The following RILPL2 variants were observed in gnomAD, a reference collection of about 807,000 sequenced individuals.
RILPL2 encodes the protein Rab interacting lysosomal protein like 2.
A neutral mutation model predicts 22.2 loss-of-function variants in RILPL2; 19 were observed. The ratio of observed to expected loss-of-function variants is 0.86; its 90% CI spans 0.60 to 1.25. The LOEUF (loss-of-function observed/expected upper bound fraction) is 1.25, where lower values mean the gene tolerates loss of function less well. Among genes scored for constraint, RILPL2 ranks in the 50% most tolerant of loss-of-function variants. The pLI, the probability that RILPL2 is intolerant of heterozygous loss-of-function variation, is 0.00. For synonymous variants in RILPL2, 123 were observed against 111.6 expected, an observed-to-expected ratio of 1.10 and a Z score of -0.64; for missense variants, 243 against 263.6, an observed-to-expected ratio of 0.92 and a Z score of 0.54.
chr12:123,415,350 G>A lies in RILPL2; in HGVS notation c.*541C>T, dbSNP rs368034949. On this transcript the variant is annotated 3_prime_UTR_variant, in exon 4 of 4. Transcript: ENST00000280571. ...TGACATATACACACATATACCATGT[G>A]TACCATCGTAACTAAGAGACCACTC... The A allele has an allele frequency of 1.3e-4, 20 of 159,736 alleles. No homozygotes were observed. The South Asian group carries it at 2.5e-3, about 20-fold the overall frequency. 9.9% of individuals were successfully genotyped at this position (159,736 alleles called of 1,614,324 possible). A position where few individuals can be genotyped will look rare whatever the true frequency, so the allele number is the denominator to read the frequency against.
At chr12:123,418,756 C>CTTTTTTTTTT in intron 3 of RILPL2, among the ~76,000 whole-genome samples, 313 of 96,196 alleles carry the variant, frequency 3.3e-3, no homozygotes, top group African/African-American at 4.5e-3. Flanking sequence ...CTTTTTCTTT[C>CTTTTTTTTTT]TTTTTTTTTT....
At chr12:123,415,988 G>A (rs372342001) in intron 3 of RILPL2, 67 bp from the exon 4 acceptor site, 78 of 1,530,398 alleles carry the variant, frequency 5.1e-5, no homozygotes, top group African/African-American at 4.5e-4. Flanking sequence ...AGCAACCCCC[G>A]TAAAATTTCT....
At chr12:123,433,539 G>A (rs544927255) in intron 1 of RILPL2, among the ~76,000 whole-genome samples, 11 of 152,210 alleles carry the variant, frequency 7.2e-5, no homozygotes, top group South Asian at 2.1e-4. Context: ...CTCAGCCTCC[G>A]AGTAGCTGGA....
intron 3 of RILPL2, among the ~76,000 whole-genome samples, chr12:123,417,443 T>A (rs552435341): frequency 5.3e-5 from 8 of 152,112 alleles, no homozygotes; most frequent in Non-Finnish European, 1.2e-4. Flanking sequence ...ATCCAATGTC[T>A]CTTCCCAACG....
chr12:123,436,038 C>T lies in RILPL2; in HGVS notation c.339+44G>A, dbSNP rs1437282406. 5 of 1,541,104 alleles carry T rather than the reference C, an allele frequency of 3.2e-6. No homozygotes were observed. The highest frequency in any genetic ancestry group is 3.5e-6 in the Non-Finnish European group (4 of 1,140,380). On this transcript the variant is annotated intron_variant, in intron 1 of 3. Coordinates refer to ENST00000280571, the MANE Select transcript of RILPL2 (RefSeq NM_145058.3). The surrounding 1 kb of genome is among the most constrained non-coding windows in gnomAD (Gnocchi z 6.7). ...CCCTGCCAGTAGGTGCCCTCCTACG[C>T]CCCGCAGGCGCCGTGGGCCCGGAAC...
chr12:123,433,086 T>C (rs1879697058), intron 1 of RILPL2, among the ~76,000 whole-genome samples: 1 of 151,604 alleles, frequency 6.6e-6, no homozygotes. Flanking sequence ...TTTCCTGGCT[T>C]ACTTCTTGGT....
intron 2 of RILPL2, among the ~76,000 whole-genome samples, chr12:123,430,175 C>A (rs1376219443): frequency 6.8e-6 from 1 of 146,206 alleles, no homozygotes; most frequent in South Asian, 2.1e-4. Context: ...TTTGGGAGGC[C>A]AAGGTGGGCA....
chr12:123,433,924 AG>A (rs1445003352), intron 1 of RILPL2, among the ~76,000 whole-genome samples: 15 of 152,220 alleles, frequency 9.9e-5, no homozygotes, highest in Non-Finnish European at 8.8e-5. Context: ...CTCTGAATTA[AG>A]ATCCTGACTT....
chr12:123,432,985 TAAG>T (rs147578719), intron 1 of RILPL2, among the ~76,000 whole-genome samples: 27 of 151,418 alleles, frequency 1.8e-4, no homozygotes, highest in African/African-American at 4.6e-4. Context: ...TAATAATAAT[TAAG>T]AAGAAGAAGA....
At chr12:123,429,763 T>C (rs1357433852) in intron 2 of RILPL2, among the ~76,000 whole-genome samples, 1 of 151,498 alleles carries the variant, frequency 6.6e-6, no homozygotes, top group Non-Finnish European at 1.5e-5. Context: ...TGAGCCACCA[T>C]GCCCAGCTAA....
chr12:123,427,689 G>A (rs753846012), intron 2 of RILPL2, among the ~76,000 whole-genome samples: 18 of 152,040 alleles, frequency 1.2e-4, no homozygotes, highest in South Asian at 1.0e-3. Context: ...CTACAGGTAT[G>A]AGTCACCACG....
At chr12:123,423,745 C>G (rs1163709378) in intron 2 of RILPL2, among the ~76,000 whole-genome samples, 2 of 151,876 alleles carry the variant, frequency 1.3e-5, no homozygotes, top group Admixed American at 6.6e-5. Context: ...GCTCCGCCTC[C>G]CAGGTTCCCG....
chr12:123,417,592 T>C (rs1879153143), intron 3 of RILPL2, among the ~76,000 whole-genome samples: 1 of 150,354 alleles, frequency 6.7e-6, no homozygotes, highest in South Asian at 2.1e-4. Flanking sequence ...GAAAATTTCT[T>C]TTTTTTTTTG....
chr12:123,424,364 C>G (rs1257262563), intron 2 of RILPL2, among the ~76,000 whole-genome samples: 1 of 134,476 alleles, frequency 7.4e-6, no homozygotes, highest in African/African-American at 2.7e-5. Flanking sequence ...CAGAGTCTTG[C>G]TCTGTCGCCC....
At chr12:123,424,921 A>G (rs1879395611) in intron 2 of RILPL2, among the ~76,000 whole-genome samples, 1 of 128,496 alleles carries the variant, frequency 7.8e-6, no homozygotes, top group Admixed American at 8.3e-5. Context: ...TAGCTCTGTC[A>G]CCCAGGCTGG....
rs1879099049 is a variant in RILPL2 at position 123,415,744 on chromosome 12, TC to T, written c.*146del. The stretch of plus-strand genomic sequence containing the variant: ...GGGAGAAAGTGATGCCAAGAGAACC[TC>T]GTCTCCTCCCTCCTCAGTCTGCTTT... On this transcript the variant is annotated 3_prime_UTR_variant, in exon 4 of 4. Coordinates refer to ENST00000280571, the MANE Select transcript of RILPL2 (RefSeq NM_145058.3). The T allele has an allele frequency of 6.2e-6, 5 of 807,640 alleles. No individual in the cohort carries two copies. The Admixed American group carries it at 9.8e-5, about 16-fold the overall frequency. The allele number at this position is 807,640 out of a possible 1,614,324, so 50.0% of individuals were successfully genotyped here. A position where few individuals can be genotyped will look rare whatever the true frequency, so the allele number is the denominator to read the frequency against.
intron 3 of RILPL2, among the ~76,000 whole-genome samples, chr12:123,417,748 G>A (rs1366977744): frequency 6.6e-6 from 1 of 152,120 alleles, no homozygotes; most frequent in African/African-American, 2.4e-5. Context: ...ACCACGCCCA[G>A]CTAATTTTGT....
chr12:123,410,474 C>G (rs1878940148), downstream of RILPL2, among the ~76,000 whole-genome samples: 1 of 152,154 alleles, frequency 6.6e-6, no homozygotes, highest in African/African-American at 2.4e-5. Flanking sequence ...AAACTTGTCT[C>G]AAATAGGGAT....
intron 2 of RILPL2, among the ~76,000 whole-genome samples, chr12:123,426,337 C>T (rs1174082744): frequency 2.0e-5 from 3 of 151,878 alleles, no homozygotes; most frequent in Non-Finnish European, 2.9e-5. Flanking sequence ...TTAGTATTGA[C>T]GGAGTTTTGC....
Sources: allele counts gnomAD v4.1 joint callset (sites outside exome capture counted in the v4.1 genomes callset), GRCh38; gene constraint gnomAD v4.1.1; non-coding constraint Gnocchi (gnomAD v3.1); transcripts MANE v1.5; gene names NCBI Gene and HGNC (gene_info 2026-07-23, HGNC 2026-07-21).